Variants in TMEM200A observed in about 807,000 individuals in gnomAD.
The protein encoded by TMEM200A is transmembrane protein 200A.
A neutral mutation model predicts 24.3 loss-of-function variants in TMEM200A; 12 were observed. That is an observed-to-expected ratio of 0.49 (90% CI 0.32 to 0.80). The LOEUF (loss-of-function observed/expected upper bound fraction) is 0.80, where lower values mean the gene tolerates loss of function less well. TMEM200A is among the 30% of genes least tolerant of loss of function. The pLI is 0.04. For synonymous variants in TMEM200A, 224 were observed against 224.4 expected, an observed-to-expected ratio of 1.00 and a Z score of 0.02; for missense variants, 545 against 614.4, an observed-to-expected ratio of 0.89 and a Z score of 1.19.
chr6:130,413,204 C>A (rs185403396), intron 2 of TMEM200A, among the ~76,000 whole-genome samples: 63 of 152,316 alleles, frequency 4.1e-4, no homozygotes, highest in Admixed American at 4.1e-3. Flanking sequence ...TGTATTCTAG[C>A]CCAGATCTTG....
chr6:130,403,609 C>T (rs1779137685), intron 2 of TMEM200A, among the ~76,000 whole-genome samples: 1 of 151,166 alleles, frequency 6.6e-6, no homozygotes, highest in African/African-American at 2.4e-5. Context: ...TGAGTAAATC[C>T]TTCTTATTTC....
intron 2 of TMEM200A, among the ~76,000 whole-genome samples, chr6:130,430,674 A>G (rs1286116548): frequency 6.6e-6 from 1 of 152,240 alleles, no homozygotes; most frequent in Non-Finnish European, 1.5e-5. Flanking sequence ...TTGCATTTAC[A>G]AGTGGAATAG....
At chr6:130,374,415 TTTG>T (rs1335063976) in intron 1 of TMEM200A, among the ~76,000 whole-genome samples, 1 of 143,210 alleles carries the variant, frequency 7.0e-6, no homozygotes, top group African/African-American at 2.9e-5. Flanking sequence ...TGTTTTTGTT[TTTG>T]TTTTTTTTTT....
intron 2 of TMEM200A, among the ~76,000 whole-genome samples, chr6:130,414,039 T>C (rs748913696): frequency 3.9e-5 from 6 of 152,196 alleles, no homozygotes; most frequent in Non-Finnish European, 7.4e-5. Context: ...CAATATGGAA[T>C]AATTGTTAAA....
intron 1 of TMEM200A, chr6:130,382,041 G>C: frequency 1.1e-6 from 1 of 870,750 alleles, no homozygotes; most frequent in Non-Finnish European, 1.4e-6. Context: ...GGCTACTTAT[G>C]ATTCAGTTGA....
chr6:130,433,088 T>C (rs1438973304), intron 2 of TMEM200A, among the ~76,000 whole-genome samples: 2 of 152,020 alleles, frequency 1.3e-5, no homozygotes, highest in African/African-American at 4.8e-5. Context: ...GTCTCTCTGA[T>C]TCCAGTGGCC....
At chr6:130,392,188 A>G (rs1373990249) in intron 2 of TMEM200A, among the ~76,000 whole-genome samples, 1 of 152,200 alleles carries the variant, frequency 6.6e-6, no homozygotes, top group Non-Finnish European at 1.5e-5. Flanking sequence ...TTCCAGTGTT[A>G]TTGTGAAGAT....
intron 2 of TMEM200A, among the ~76,000 whole-genome samples, chr6:130,389,996 G>C (rs553918322): frequency 6.6e-6 from 1 of 152,254 alleles, no homozygotes; most frequent in Middle Eastern, 3.4e-3. Flanking sequence ...TTTGCTTACA[G>C]GTTCATTAGG....
chr6:130,403,017 A>C (rs1018962601), intron 2 of TMEM200A, among the ~76,000 whole-genome samples: 3 of 151,918 alleles, frequency 2.0e-5, no homozygotes, highest in Admixed American at 2.0e-4. Flanking sequence ...CCATCCTCCA[A>C]ATCCTCAGTG....
intron 2 of TMEM200A, among the ~76,000 whole-genome samples, chr6:130,412,204 C>G (rs6922208): frequency 1.1e-5 from 1 of 88,130 alleles, no homozygotes; most frequent in Non-Finnish European, 2.1e-5. Context: ...TTTTTTTTTT[C>G]TTTTTAGTGG....
chr6:130,402,973 G>T (rs1014819201), intron 2 of TMEM200A, among the ~76,000 whole-genome samples: 1 of 151,906 alleles, frequency 6.6e-6, no homozygotes, highest in Non-Finnish European at 1.5e-5. Flanking sequence ...ACTTTTAACT[G>T]CAATTTCTGC....
At chr6:130,394,065 T>C (rs1778895821) in intron 2 of TMEM200A, among the ~76,000 whole-genome samples, 1 of 152,200 alleles carries the variant, frequency 6.6e-6, no homozygotes, top group Non-Finnish European at 1.5e-5. Context: ...ACATCCCTAG[T>C]TGTATTTAGT....
Position 130,441,737 on chromosome 6 carries a change from C to A in TMEM200A, c.1315C>A (p.Pro439Thr). 1 of 1,613,944 alleles carries A rather than the reference C, an allele frequency of 6.2e-7. No individual in the cohort carries two copies. ...TATGAAACTAGAGAACAAAGAAGACCCGATGGATAGGTTGCTTGTGCCCCA... is the reference window on the plus strand; with the variant it reads ...TATGAAACTAGAGAACAAAGAAGACACGATGGATAGGTTGCTTGTGCCCCA... ...GYMKLENKED[P>T]MDRLLVPQVA... The change falls in exon 3 of 3, where the codon CCG (proline) becomes ACG (threonine). Residue 439 changes from proline to threonine, a missense_variant. By Grantham distance (38) the Pro-to-Thr change is conservative. Transcript: ENST00000296978.
chr6:130,440,354 A>G (rs1780125509), intron 2 of TMEM200A, 53 bp from the exon 3 acceptor site: 1 of 1,464,392 alleles, frequency 6.8e-7, no homozygotes, highest in South Asian at 1.6e-5. Context: ...ACTGATGCTC[A>G]TACCCCAGGA....
chr6:130,426,963 G>A (rs1050810519), intron 2 of TMEM200A, among the ~76,000 whole-genome samples: 1 of 152,160 alleles, frequency 6.6e-6, no homozygotes, highest in Non-Finnish European at 1.5e-5. Flanking sequence ...ATTATAATGT[G>A]TCATAAATAA....
intron 2 of TMEM200A, among the ~76,000 whole-genome samples, chr6:130,394,639 A>AT (rs1255655861): frequency 2.0e-5 from 3 of 152,096 alleles, no homozygotes; most frequent in African/African-American, 7.2e-5. Flanking sequence ...TTGCTAATTT[A>AT]TTTTTTGGCA....
At chr6:130,389,836 T>G (rs1490244282) in intron 2 of TMEM200A, among the ~76,000 whole-genome samples, 1 of 152,198 alleles carries the variant, frequency 6.6e-6, no homozygotes, top group African/African-American at 2.4e-5. Context: ...CAGATTGAGA[T>G]TCCCTGGTTT....
At chr6:130,418,417 T>C (rs549857645) in intron 2 of TMEM200A, among the ~76,000 whole-genome samples, 1 of 152,256 alleles carries the variant, frequency 6.6e-6, no homozygotes, top group South Asian at 2.1e-4. Context: ...AACCAGAGAG[T>C]GTCCCAGAGC....
chr6:130,412,994 T>C (rs1431941316), intron 2 of TMEM200A, among the ~76,000 whole-genome samples: 1 of 152,212 alleles, frequency 6.6e-6, no homozygotes, highest in Non-Finnish European at 1.5e-5. Context: ...TTCTGTAAAA[T>C]ATGTATGTAC....
Sources: gnomAD v4.1 joint callset for allele counts (sites outside exome capture counted in the v4.1 genomes callset) on GRCh38, gnomAD v4.1.1 for gene constraint, MANE v1.5 for transcripts, NCBI Gene and HGNC (gene_info 2026-07-23, HGNC 2026-07-21) for gene names.